The following TBC1D30 variants were observed in gnomAD, a reference collection of about 807,000 sequenced individuals.
TBC1D30 encodes the protein TBC1 domain family member 30.
Under a neutral mutation model 63.2 loss-of-function variants are expected in TBC1D30, and 31 were observed. The observed-to-expected ratio is 0.49, with a 90% CI of 0.37 to 0.66. The LOEUF (loss-of-function observed/expected upper bound fraction) is 0.66. TBC1D30 is among the 30% of genes least tolerant of loss of function. The probability of loss-of-function intolerance (pLI) is 0.00; values close to 1 mark genes in which losing one functional copy is unlikely to be tolerated. For missense variants in TBC1D30, 810 were observed against 953.6 expected, an observed-to-expected ratio of 0.85 and a Z score of 1.98; for synonymous variants, 307 against 361.5, an observed-to-expected ratio of 0.85 and a Z score of 1.71.
At chr12:64,831,597 T>G (rs537161761) in intron 4 of TBC1D30, among the ~76,000 whole-genome samples, 48 of 152,226 alleles carry the variant, frequency 3.2e-4, no homozygotes, top group Non-Finnish European at 5.7e-4. Flanking sequence ...ATTTCTGTCT[T>G]TCTTATATAC....
chr12:64,771,115 A>T (rs1013379045), intron 1 of TBC1D30, among the ~76,000 whole-genome samples: 1 of 152,028 alleles, frequency 6.6e-6, no homozygotes, highest in Non-Finnish European at 1.5e-5. Context: ...TCTGTACAAC[A>T]TATCCATGAA....
chr12:64,778,549 C>CT (rs34519163), upstream of TBC1D30, among the ~76,000 whole-genome samples: 13,271 of 78,800 alleles, frequency 0.17, 1,908 homozygotes, highest in African/African-American at 0.25. Context: ...ACAGAGAAGC[C>CT]TTTTTTTTTT....
chr12:64,796,918 C>T (rs2136310490), intron 2 of TBC1D30, among the ~76,000 whole-genome samples: 1 of 147,354 alleles, frequency 6.8e-6, no homozygotes, highest in South Asian at 2.2e-4. Context: ...GTAGGACAAT[C>T]AACTGCATTT....
upstream of TBC1D30, among the ~76,000 whole-genome samples, chr12:64,777,413 C>A (rs1427594159): frequency 6.6e-6 from 1 of 152,176 alleles, no homozygotes; most frequent in Admixed American, 6.5e-5. Flanking sequence ...AGCAAAGTCT[C>A]AGGATACAAA....
At chr12:64,782,589 C>T (rs1377785292) in intron 1 of TBC1D30, among the ~76,000 whole-genome samples, 1 of 152,196 alleles carries the variant, frequency 6.6e-6, no homozygotes, top group Non-Finnish European at 1.5e-5. Flanking sequence ...ATTATGATTT[C>T]TCTTTTTACA....
intron 2 of TBC1D30, among the ~76,000 whole-genome samples, chr12:64,790,584 C>A (rs1156317737): frequency 6.6e-6 from 1 of 152,062 alleles, no homozygotes; most frequent in Non-Finnish European, 1.5e-5. Context: ...TGAATATATG[C>A]AGAAATATTA....
At chr12:64,820,064 C>T (rs552787946), upstream of TBC1D30, among the ~76,000 whole-genome samples, 11 of 152,306 alleles carry the variant, frequency 7.2e-5, no homozygotes, top group Admixed American at 5.2e-4. Flanking sequence ...TGTGGTCTCT[C>T]TCTCCTCATA....
At chr12:64,842,055 C>T (rs181640275) in intron 7 of TBC1D30, among the ~76,000 whole-genome samples, 83 of 152,200 alleles carry the variant, frequency 5.5e-4, no homozygotes, top group Non-Finnish European at 9.7e-4. Flanking sequence ...ACAACGTTGT[C>T]ATATAAAATG....
At chr12:64,869,227 T>G (rs571161470) in intron 10 of TBC1D30, among the ~76,000 whole-genome samples, 15 of 152,302 alleles carry the variant, frequency 9.8e-5, no homozygotes, top group African/African-American at 3.6e-4. Context: ...CTGCTAACTT[T>G]TTACTACCTT....
At chr12:64,770,525 GT>G (rs1870865813) in intron 1 of TBC1D30, among the ~76,000 whole-genome samples, 1 of 152,072 alleles carries the variant, frequency 6.6e-6, no homozygotes, top group Non-Finnish European at 1.5e-5. Context: ...ACTGGCACTG[GT>G]CCCCACCTAG....
At chr12:64,803,699 T>C (rs1313364247) in intron 2 of TBC1D30, among the ~76,000 whole-genome samples, 5 of 152,194 alleles carry the variant, frequency 3.3e-5, no homozygotes, top group Middle Eastern at 3.2e-3. Context: ...AGGGATCCAG[T>C]TTCAGCTTTC....
At position 64,839,387 on chromosome 12, in the gene TBC1D30, T is replaced by G. The variant is rs193264603; in HGVS notation, c.932+536T>G. On this transcript the variant is annotated intron_variant, in intron 7 of 11. Transcript: ENST00000539867. Reference sequence around the variant, plus strand: ...AAACATATTACCAAATAGATTTTGCTTATATTCTTTACTAGTAGCAGGGCT... The same window carrying G: ...AAACATATTACCAAATAGATTTTGCGTATATTCTTTACTAGTAGCAGGGCT... Among the ~76,000 whole-genome samples the G allele has an allele frequency of 4.0e-3, 615 of 152,358 alleles. 9 individuals carry two copies. Among genetic ancestry groups the G allele is most frequent in the Non-Finnish European group, 2.4e-3 (160 of 68,028 alleles).
chr12:64,824,607 C>A (rs1874126047), upstream of TBC1D30: 1 of 360,900 alleles, frequency 2.8e-6, no homozygotes, highest in Non-Finnish European at 4.9e-6. Context: ...CGCTCGCTCG[C>A]TCGCTCCCGC....
exon 2 of TBC1D30, chr12:64,785,983 A>C: frequency 7.8e-7 from 1 of 1,289,878 alleles, no homozygotes. Context: ...AGGCTTCTGC[A>C]TAAAGTGCAG....
upstream of TBC1D30, among the ~76,000 whole-genome samples, chr12:64,819,982 A>G (rs1873791607): frequency 6.6e-6 from 1 of 152,074 alleles, no homozygotes; most frequent in Non-Finnish European, 1.5e-5. Flanking sequence ...TGTGCATATC[A>G]GCACCTGCCA....
In TBC1D30 at chr12:64,764,535, T is replaced by C. The variant is rs903562764; in HGVS notation, c.-376+4886T>C. ...GAAAACAGGGCAATATAGATGCCTT[T>C]ATACAAGTGACAATAGTGAAGGACT... On this transcript the variant is annotated intron_variant, in intron 1 of 13. Transcript: ENST00000674237. 2.0e-5 allele frequency among the ~76,000 whole-genome samples: 3 copies of C among 152,232 alleles called. No homozygotes were observed. In the East Asian group the frequency reaches 5.8e-4, roughly 29 times the overall value.
At chr12:64,813,810 C>T (rs746397236) in intron 2 of TBC1D30, among the ~76,000 whole-genome samples, 1 of 152,158 alleles carries the variant, frequency 6.6e-6, no homozygotes, top group Non-Finnish European at 1.5e-5. Flanking sequence ...TCCTTCTTGA[C>T]ATGATGAGCT....
rs950969999 is a variant in TBC1D30, at chr12:64,786,123, T to G, written c.643+78T>G. 2.0e-5 allele frequency: 22 copies of G among 1,127,042 alleles called. No homozygotes were observed. In the African/African-American group the frequency reaches 3.1e-4, roughly 16 times the overall value. The allele number at this position is 1,127,042 out of a possible 1,614,324, so 69.8% of individuals were successfully genotyped here. On this transcript the variant is annotated intron_variant, in intron 2 of 12. Coordinates refer to the TBC1D30 transcript ENST00000542120. ...GAAAGCTGAGCCAACAGTCTGTGTT[T>G]GTGAATATATTGAGAAGTTTTAAAT...
intron 1 of TBC1D30, among the ~76,000 whole-genome samples, chr12:64,826,849 A>T (rs1874400256): frequency 1.3e-5 from 2 of 152,318 alleles, no homozygotes; most frequent in African/African-American, 4.8e-5. Context: ...GAACACCTGC[A>T]TACTGATATG....
Sources: gnomAD v4.1 joint callset for allele counts (sites outside exome capture counted in the v4.1 genomes callset) on GRCh38, gnomAD v4.1.1 for gene constraint, MANE v1.5 for transcripts, NCBI Gene and HGNC (gene_info 2026-07-23, HGNC 2026-07-21) for gene names.